Variants in FAH observed in about 807,000 individuals in gnomAD.
FAH encodes fumarylacetoacetase.
A neutral mutation model predicts 55.8 loss-of-function variants in FAH; 47 were observed. That is an observed-to-expected ratio of 0.84 (90% CI 0.67 to 1.07). The LOEUF is 1.07. FAH is among the 50% of genes least tolerant of loss of function. The pLI is 0.00. For missense variants in FAH, 495 were observed against 545.9 expected (o/e 0.91, Z 0.93); for synonymous variants, 199 against 207.7 (o/e 0.96, Z 0.36).
intron 9 of FAH, 179 bp downstream of exon 9, chr15:80,173,323 C>G (rs990465858): frequency 2.6e-6 from 2 of 768,832 alleles, no homozygotes; most frequent in African/African-American, 3.4e-5. Flanking sequence ...GCAGCCAGGG[C>G]ATCATTCTCC....
chr15:80,160,867 A>G (rs2041142893), intron 4 of FAH, among the ~76,000 whole-genome samples: 1 of 152,188 alleles, frequency 6.6e-6, no homozygotes, highest in South Asian at 2.1e-4. Flanking sequence ...AGTGTCATTC[A>G]GGAAGTTGGA....
At chr15:80,171,797 T>G (rs1438995330) in intron 7 of FAH, among the ~76,000 whole-genome samples, 1 of 152,130 alleles carries the variant, frequency 6.6e-6, no homozygotes, top group Non-Finnish European at 1.5e-5. Context: ...CCCTGATAGT[T>G]TCAGTTTTAC....
rs978743897 is a variant in FAH at position 80,174,962 on chromosome 15, G to A, written c.838-54G>A. ...GCCTGGCTGGTATGGGGGCCCAGCC[G>A]GGTGAGCTCAGCCCACCTGCCAGTG... On this transcript the variant is annotated intron_variant, in intron 9 of 13. Coordinates refer to ENST00000561421, the MANE Select transcript of FAH (RefSeq NM_000137.4). 2.3e-5 allele frequency: 35 copies of A among 1,518,006 alleles called. No homozygotes were observed. In the African/African-American group the frequency reaches 2.9e-4, roughly 12 times the overall value. The allele number at this position is 1,518,006 out of a possible 1,614,324, so 94.0% of individuals were successfully genotyped here.
At chr15:80,165,205 A>G (rs945781622) in intron 5 of FAH, among the ~76,000 whole-genome samples, 1 of 152,154 alleles carries the variant, frequency 6.6e-6, no homozygotes, top group African/African-American at 2.4e-5. Context: ...AGCCTGGCCA[A>G]TATGGTGAAA....
intron 7 of FAH, 44 bp from the exon 8 acceptor site, chr15:80,172,105 C>T (rs374741051): frequency 9.8e-5 from 138 of 1,413,642 alleles, no homozygotes; most frequent in Non-Finnish European, 1.3e-4. Flanking sequence ...GTGACCTGGG[C>T]GGCAGATCAG....
chr15:80,157,953 A>T, intron 1 of FAH, 107 bp from the exon 2 acceptor site: 1 of 813,946 alleles, frequency 1.2e-6, no homozygotes, highest in Non-Finnish European at 2.2e-6. Context: ...ATACAGGGCC[A>T]CCTAAAGGGG....
intron 9 of FAH, chr15:80,173,439 T>TC: frequency 2.0e-6 from 1 of 505,224 alleles, no homozygotes; most frequent in Non-Finnish European, 3.6e-6. Flanking sequence ...GCAGGAGGAG[T>TC]CCCTGCAGGT....
intron 3 of FAH, 156 bp downstream of exon 3, chr15:80,160,033 T>C (rs1297631468): frequency 2.9e-6 from 3 of 1,037,582 alleles, no homozygotes; most frequent in East Asian, 5.2e-5. Flanking sequence ...TGCCTATTGA[T>C]GGGAGGGCTT....
At chr15:80,185,635 G>C (rs1013548895) in intron 13 of FAH, among the ~76,000 whole-genome samples, 1 of 152,202 alleles carries the variant, frequency 6.6e-6, no homozygotes, top group African/African-American at 2.4e-5. Context: ...AAGGCAAAAG[G>C]CATGTCTTAC....
chr15:80,154,636 C>T (rs2041082850), intron 1 of FAH, among the ~76,000 whole-genome samples: 1 of 152,234 alleles, frequency 6.6e-6, no homozygotes, highest in Non-Finnish European at 1.5e-5. Flanking sequence ...CAAGGCAAAA[C>T]CTCCCTTCCC....
downstream of FAH, chr15:80,186,657 C>A (rs2041374108): frequency 1.6e-5 from 4 of 253,764 alleles, no homozygotes; most frequent in Admixed American, 2.0e-4. Context: ...AAGCCCAAAA[C>A]CTGCTGGGTG....
At chr15:80,161,145 C>T (rs568332211) in intron 4 of FAH, among the ~76,000 whole-genome samples, 47 of 152,340 alleles carry the variant, frequency 3.1e-4, no homozygotes, top group Non-Finnish European at 5.6e-4. Context: ...TGCCTCCTCC[C>T]AGCCCCTCTC....
chr15:80,169,940 C>A (rs1047508475), intron 7 of FAH, among the ~76,000 whole-genome samples: 1 of 152,180 alleles, frequency 6.6e-6, no homozygotes, highest in African/African-American at 2.4e-5. Context: ...ACACAGTCTC[C>A]CCCAGTGGCA....
chr15:80,176,418 C>A (rs1442226706), intron 10 of FAH, among the ~76,000 whole-genome samples: 1 of 152,212 alleles, frequency 6.6e-6, no homozygotes, highest in Non-Finnish European at 1.5e-5. Context: ...GAGGTGGTTC[C>A]TGTCAGGAGG....
At position 80,158,110 on chromosome 15, in the gene FAH, C is replaced by T. The variant is rs1255954471; in HGVS notation, c.132C>T (p.Ser44=). 1 of 1,614,052 alleles carries T rather than the reference C, an allele frequency of 6.2e-7. No homozygotes were observed. Among genetic ancestry groups the T allele is most frequent in the African/African-American group, 1.3e-5 (1 of 74,932 alleles). Residue 44 remains serine, a synonymous_variant, in exon 2 of 14, where the codon AGC becomes AGT. Transcript: ENST00000561421. ...VAIGDQILDL[S]IIKHLFTGPV... ...TTGGCGACCAGATCCTGGACCTCAG[C>T]ATCATCAAGCACCTCTTTACTGGTC...
chr15:80,155,365 T>C (rs773345586), intron 1 of FAH, among the ~76,000 whole-genome samples: 1 of 152,140 alleles, frequency 6.6e-6, no homozygotes. Context: ...TTTACAGATA[T>C]TAATTAAATT....
intron 5 of FAH, among the ~76,000 whole-genome samples, chr15:80,167,416 A>G (rs184031803): frequency 1.6e-4 from 24 of 152,214 alleles, no homozygotes; most frequent in Non-Finnish European, 2.8e-4. Context: ...GTCTCTTATA[A>G]GGACATTTCT....
chr15:80,175,908 G>C (rs2041279631), intron 10 of FAH, among the ~76,000 whole-genome samples: 1 of 152,208 alleles, frequency 6.6e-6, no homozygotes, highest in Non-Finnish European at 1.5e-5. Context: ...AATCCCAACG[G>C]GGGCCCTCGG....
intron 11 of FAH, among the ~76,000 whole-genome samples, chr15:80,179,749 G>A (rs753267175): frequency 1.3e-5 from 2 of 152,216 alleles, no homozygotes; most frequent in Non-Finnish European, 2.9e-5. Flanking sequence ...CCCAATACGG[G>A]ACTGGAGGGT....
Sources: allele counts gnomAD v4.1 joint callset (sites outside exome capture counted in the v4.1 genomes callset), GRCh38; gene constraint gnomAD v4.1.1; transcripts MANE v1.5; gene names NCBI Gene and HGNC (gene_info 2026-07-23, HGNC 2026-07-21).